The following FBXL2 variants were observed in gnomAD, a reference collection of about 807,000 sequenced individuals.
FBXL2 encodes the protein F-box and leucine rich repeat protein 2.
In FBXL2, 38 loss-of-function variants were observed where a neutral mutation model predicts 69.2. The observed-to-expected ratio is 0.55, with a 90% CI of 0.42 to 0.72. FBXL2 has a LOEUF of 0.72. Among genes scored for constraint, FBXL2 ranks in the 30% least tolerant of loss-of-function variants. The probability of loss-of-function intolerance (pLI) is 0.00; values close to 1 mark genes in which losing one functional copy is unlikely to be tolerated. For synonymous variants in FBXL2, 192 were observed against 201.3 expected, an observed-to-expected ratio of 0.95 and a Z score of 0.39; for missense variants, 354 against 520.3, an observed-to-expected ratio of 0.68 and a Z score of 3.11.
intron 2 of FBXL2, among the ~76,000 whole-genome samples, chr3:33,301,923 G>A (rs1251251473): frequency 2.6e-5 from 4 of 152,236 alleles, no homozygotes; most frequent in African/African-American, 7.2e-5. Context: ...TGTGACCTTA[G>A]TTACTTAACT....
the FBXL2 span, among the ~76,000 whole-genome samples, chr3:33,422,011 C>G: frequency 2.6e-5 from 4 of 151,568 alleles, no homozygotes; most frequent in Admixed American, 1.3e-4. Context: ...TCGTTGCACT[C>G]CAGCCTAAGA....
rs563205929 is a variant in FBXL2, at chr3:33,345,019, G to A, written c.66-13948G>A. Among the ~76,000 whole-genome samples, 102 of 152,314 alleles carry A rather than the reference G, an allele frequency of 6.7e-4. 5 individuals carry two copies. The South Asian group carries it at 0.019, about 28-fold the overall frequency. On this transcript the variant is annotated intron_variant, in intron 2 of 14. Transcript: ENST00000484457. ...GGGAATCCTTTCAGATGTTAAGATA[G>A]AAACAATGAAAGTCTTATGTTAACT...
chr3:33,283,411 T>G (rs1372371017), intron 1 of FBXL2, among the ~76,000 whole-genome samples: 5 of 152,160 alleles, frequency 3.3e-5, no homozygotes, highest in Non-Finnish European at 5.9e-5. Flanking sequence ...CTTGATCGTG[T>G]TGGATAAGCT....
intron 2 of FBXL2, among the ~76,000 whole-genome samples, chr3:33,353,085 C>G (rs903183180): frequency 4.6e-5 from 7 of 151,970 alleles, no homozygotes; most frequent in African/African-American, 1.7e-4. Flanking sequence ...AATGAGATAC[C>G]ACTGTATACC....
chr3:33,292,090 A>G (rs1238610764), intron 1 of FBXL2, among the ~76,000 whole-genome samples: 1 of 152,216 alleles, frequency 6.6e-6, no homozygotes, highest in African/African-American at 2.4e-5. Flanking sequence ...TATTAAAAAT[A>G]CATAACAGGC....
At chr3:33,358,663 G>C (rs1209683212) in intron 2 of FBXL2, among the ~76,000 whole-genome samples, 1 of 152,202 alleles carries the variant, frequency 6.6e-6, no homozygotes, top group Non-Finnish European at 1.5e-5. Context: ...TTATGCTAGA[G>C]AGTTGGTCTT....
chr3:33,374,304 G>A (rs1173870893), intron 9 of FBXL2, among the ~76,000 whole-genome samples: 1 of 152,054 alleles, frequency 6.6e-6, no homozygotes, highest in Non-Finnish European at 1.5e-5. Context: ...TGTTTCAGTG[G>A]ATAAAATGAA....
chr3:33,401,938 AT>A (rs758455514), intron 12 of FBXL2, among the ~76,000 whole-genome samples: 14 of 152,254 alleles, frequency 9.2e-5, no homozygotes, highest in South Asian at 4.1e-4. Context: ...GTCCAAGGCT[AT>A]TTTTCTACTC....
At chr3:33,410,097 T>A in the FBXL2 span, among the ~76,000 whole-genome samples, 2 of 152,166 alleles carry the variant, frequency 1.3e-5, no homozygotes, top group Non-Finnish European at 2.9e-5. Flanking sequence ...CTGGGGAAAT[T>A]TTACAGTCCA....
the FBXL2 span, among the ~76,000 whole-genome samples, chr3:33,413,631 A>G: frequency 6.6e-6 from 1 of 152,126 alleles, no homozygotes; most frequent in Non-Finnish European, 1.5e-5. Context: ...GCTGCCTTGA[A>G]AAAGTGAACT....
At chr3:33,299,227 AGACGGGGTTTCACTGT>A (rs2125720804) in intron 2 of FBXL2, among the ~76,000 whole-genome samples, 1 of 152,052 alleles carries the variant, frequency 6.6e-6, no homozygotes, top group Admixed American at 6.5e-5. Context: ...TTTTTAGTAG[AGACGGGGTTTCACTGT>A]GTTGCCCAGG....
At chr3:33,327,502 G>A (rs1353554273) in intron 2 of FBXL2, among the ~76,000 whole-genome samples, 1 of 152,042 alleles carries the variant, frequency 6.6e-6, no homozygotes, top group African/African-American at 2.4e-5. Context: ...TTCTGTTCTG[G>A]AAAGCACAAA....
At chr3:33,405,497 G>A (rs1206412897), downstream of FBXL2, among the ~76,000 whole-genome samples, 2 of 152,190 alleles carry the variant, frequency 1.3e-5, no homozygotes, top group African/African-American at 2.4e-5. Flanking sequence ...ACTTTCAGAT[G>A]TCAATCTGGA....
chr3:33,329,168 TAAC>T (rs1169453149), intron 2 of FBXL2, among the ~76,000 whole-genome samples: 1 of 152,180 alleles, frequency 6.6e-6, no homozygotes, highest in Non-Finnish European at 1.5e-5. Context: ...AAAAAATGTT[TAAC>T]ATCATTAATC....
At chr3:33,351,985 A>G (rs2040858661) in intron 2 of FBXL2, among the ~76,000 whole-genome samples, 1 of 151,446 alleles carries the variant, frequency 6.6e-6, no homozygotes, top group Admixed American at 6.6e-5. Context: ...AAAAAAAGTT[A>G]ATATGGAGAA....
chr3:33,405,988 C>T (rs932566288), downstream of FBXL2, among the ~76,000 whole-genome samples: 4 of 152,192 alleles, frequency 2.6e-5, no homozygotes, highest in Non-Finnish European at 4.4e-5. Context: ...AGACTTATTA[C>T]TTCTATTATC....
chr3:33,413,333 T>C, the FBXL2 span, among the ~76,000 whole-genome samples: 1 of 124,084 alleles, frequency 8.1e-6, no homozygotes, highest in East Asian at 3.3e-4. Context: ...GATCACGAGG[T>C]CAGGGAGATT....
At chr3:33,333,825 G>T (rs559433238) in intron 2 of FBXL2, among the ~76,000 whole-genome samples, 1 of 152,080 alleles carries the variant, frequency 6.6e-6, no homozygotes. Context: ...TCACATTCTC[G>T]CAGAGATTGA....
intron 1 of FBXL2, among the ~76,000 whole-genome samples, chr3:33,282,391 G>C (rs1283769765): frequency 6.6e-6 from 1 of 152,116 alleles, no homozygotes; most frequent in African/African-American, 2.4e-5. Flanking sequence ...GCTCTGTTCT[G>C]TTCCATTGGT....
Sources: gnomAD v4.1 joint callset for allele counts (sites outside exome capture counted in the v4.1 genomes callset) on GRCh38, gnomAD v4.1.1 for gene constraint, MANE v1.5 for transcripts, NCBI Gene and HGNC (gene_info 2026-07-23, HGNC 2026-07-21) for gene names.